The following CDH4 variants were observed in gnomAD, a reference collection of about 807,000 sequenced individuals.
CDH4 encodes cadherin 4, also known as cadherin-4.
Under a neutral mutation model 86.0 loss-of-function variants are expected in CDH4, and 33 were observed. The ratio of observed to expected loss-of-function variants is 0.38; its 90% CI spans 0.29 to 0.51. The LOEUF (loss-of-function observed/expected upper bound fraction) is 0.51. CDH4 is among the 20% of genes least tolerant of loss of function. The pLI is 0.86. For synonymous variants in CDH4, 555 were observed against 549.4 expected (o/e 1.01, Z -0.14); for missense variants, 1,114 against 1,307.4 (o/e 0.85, Z 2.28).
At chr20:61,433,422 C>A (rs566815015) in intron 2 of CDH4, among the ~76,000 whole-genome samples, 74 of 152,222 alleles carry the variant, frequency 4.9e-4, no homozygotes, top group Non-Finnish European at 7.6e-4. Context: ...TAGCGTCAGC[C>A]ATTCGACTTT....
rs1050244579 is a variant in CDH4 at position 61,493,060 on chromosome 20, T to A, written c.169+238123T>A. ...GTAGGTGGAGCCCAGTAGGTTTGAA[T>A]GAAGTACGTAAATTAGACTCTAATA... On this transcript the variant is annotated intron_variant, in intron 2 of 15. Transcript: ENST00000614565. Among the ~76,000 whole-genome samples, 7 of 152,348 alleles carry A rather than the reference T, an allele frequency of 4.6e-5. No homozygotes were observed. In the South Asian group the frequency reaches 1.4e-3, roughly 32 times the overall value.
At chr20:61,288,412 T>C (rs2084304485) in intron 2 of CDH4, among the ~76,000 whole-genome samples, 1 of 152,198 alleles carries the variant, frequency 6.6e-6, no homozygotes, top group Non-Finnish European at 1.5e-5. Flanking sequence ...TGACCCTTTG[T>C]CCGCACTTAG....
intron 2 of CDH4, among the ~76,000 whole-genome samples, chr20:61,445,145 C>T (rs932238163): frequency 6.6e-6 from 1 of 152,094 alleles, no homozygotes; most frequent in African/African-American, 2.4e-5. Flanking sequence ...CTCCCTATTG[C>T]AAGAATCCCA....
chr20:61,435,424 G>T (rs570620921), intron 2 of CDH4, among the ~76,000 whole-genome samples: 1 of 152,266 alleles, frequency 6.6e-6, no homozygotes, highest in Non-Finnish European at 1.5e-5. Context: ...CCCTAGGGGG[G>T]CTCTGCTGGG....
At chr20:61,272,294 T>G (rs551893282) in intron 2 of CDH4, among the ~76,000 whole-genome samples, 17 of 152,324 alleles carry the variant, frequency 1.1e-4, no homozygotes, top group Admixed American at 1.0e-3. Flanking sequence ...AGGCACTAAT[T>G]AATCACTTCC....
At chr20:61,443,962 GT>G (rs2085327885) in intron 2 of CDH4, among the ~76,000 whole-genome samples, 6 of 89,512 alleles carry the variant, frequency 6.7e-5, no homozygotes, top group South Asian at 5.9e-4. Context: ...GTGTCTGTGT[GT>G]GTATCTGTGT....
chr20:61,896,932 AAGGTGACCCAAATTGTGTGGAGC>A (rs1985155288), intron 8 of CDH4, among the ~76,000 whole-genome samples: 2 of 152,018 alleles, frequency 1.3e-5, no homozygotes, highest in African/African-American at 4.8e-5. Context: ...GGGAGGGGAG[AAGGTGACCCAAATTGTGTGGAGC>A]AGGTGTCTCT....
At chr20:61,671,385 A>G (rs145786885) in intron 2 of CDH4, among the ~76,000 whole-genome samples, 163 of 152,294 alleles carry the variant, frequency 1.1e-3, no homozygotes, top group African/African-American at 3.8e-3. Context: ...AGTCCTAGCT[A>G]CTTGGGAAGC....
rs1291767556 is a variant in CDH4 at position 61,684,329 on chromosome 20, G to C, written c.170-59234G>C. 6.6e-6 allele frequency among the ~76,000 whole-genome samples: 1 copy of C among 152,206 alleles called. No individual in the cohort carries two copies. The highest frequency in any genetic ancestry group is 1.5e-5 in the Non-Finnish European group (1 of 68,038). On this transcript the variant is annotated intron_variant, in intron 2 of 15. Transcript: ENST00000614565. The surrounding 1 kb of genome is among the most constrained non-coding windows in gnomAD (Gnocchi z 4.5). ...ACTGAGCCCTGTGGGAAGAGCAGGG[G>C]GGCCGCCCAGCTAAGGAAGCAGCAA...
intron 2 of CDH4, among the ~76,000 whole-genome samples, chr20:61,650,744 C>T (rs746097695): frequency 6.6e-6 from 1 of 152,198 alleles, no homozygotes; most frequent in African/African-American, 2.4e-5. Flanking sequence ...ACAATAATTA[C>T]AGGTCTTTAG....
chr20:61,383,923 C>T (rs28575787), intron 2 of CDH4, among the ~76,000 whole-genome samples: 31,941 of 141,262 alleles, frequency 0.23, 4,612 homozygotes, highest in African/African-American at 0.32. Flanking sequence ...CACACAATCA[C>T]GAGGTCCCAC....
Position 61,873,749 on chromosome 20 carries a change from C to T in CDH4, c.899C>T (p.Thr300Met), listed in dbSNP as rs764336317. Residue 300 changes from threonine (T) to methionine (M), a missense_variant, in exon 7 of 16, where the codon ACG becomes ATG. By Grantham distance (81) the Thr-to-Met change is moderately conservative. This residue lies in a region of CDH4 where 705 missense variants were observed against 914.1 expected (regional missense o/e 0.77). Coordinates refer to ENST00000614565, the MANE Select transcript of CDH4 (RefSeq NM_001794.5). Reference sequence around the variant, plus strand: ...CCAGGCACCTACGTGATGACCGTCACGGCCAACGATGCTGACGACAGCACC... The same window carrying T: ...CCAGGCACCTACGTGATGACCGTCATGGCCAACGATGCTGACGACAGCACC... ...SKPGTYVMTVTANDADDSTTA... is the reference protein window; with the variant it reads ...SKPGTYVMTVMANDADDSTTA... 37 of 1,613,560 alleles carry T rather than the reference C, an allele frequency of 2.3e-5. No homozygotes were observed. Among genetic ancestry groups the T allele is most frequent in the African/African-American group, 5.3e-5 (4 of 75,064 alleles).
chr20:61,306,955 G>A (rs1308468528), intron 2 of CDH4, among the ~76,000 whole-genome samples: 2 of 152,168 alleles, frequency 1.3e-5, no homozygotes, highest in Non-Finnish European at 2.9e-5. Context: ...CCTCCTTGGT[G>A]TGGCTATGTT....
intron 2 of CDH4, among the ~76,000 whole-genome samples, chr20:61,697,710 G>C (rs1038489140): frequency 6.6e-6 from 1 of 152,164 alleles, no homozygotes; most frequent in Non-Finnish European, 1.5e-5. Context: ...CTAAACTCAT[G>C]GGCCCTCCCT....
chr20:61,524,626 A>C (rs1445153266), intron 2 of CDH4, among the ~76,000 whole-genome samples: 1 of 152,028 alleles, frequency 6.6e-6, no homozygotes, highest in Non-Finnish European at 1.5e-5. Flanking sequence ...CTGGGACTGC[A>C]GGCACATGCC....
At chr20:61,376,551 A>G (rs73308673) in intron 2 of CDH4, among the ~76,000 whole-genome samples, 38,105 of 152,122 alleles carry the variant, frequency 0.25, 5,135 homozygotes, top group African/African-American at 0.34. Context: ...GGCTTGGGAC[A>G]TTCTGATGCT....
At chr20:61,567,597 A>G (rs1012474398) in intron 2 of CDH4, among the ~76,000 whole-genome samples, 4 of 152,224 alleles carry the variant, frequency 2.6e-5, no homozygotes, top group Non-Finnish European at 5.9e-5. Context: ...ATTTGGGGGC[A>G]CAAACATTTA....
At chr20:61,546,148 A>G (rs2086083168) in intron 2 of CDH4, among the ~76,000 whole-genome samples, 1 of 85,654 alleles carries the variant, frequency 1.2e-5, no homozygotes, top group African/African-American at 4.7e-5. Flanking sequence ...GTATTTGTTC[A>G]CATTCGTGAG....
intron 2 of CDH4, among the ~76,000 whole-genome samples, chr20:61,522,220 C>T (rs907499240): frequency 6.6e-6 from 1 of 152,146 alleles, no homozygotes; most frequent in African/African-American, 2.4e-5. Flanking sequence ...GCTGTGATAC[C>T]CCCTCACCCC....
Sources: allele counts gnomAD v4.1 joint callset (sites outside exome capture counted in the v4.1 genomes callset), GRCh38; gene constraint gnomAD v4.1.1; regional missense constraint gnomAD v4.1.1; non-coding constraint Gnocchi (gnomAD v3.1); transcripts MANE v1.5; gene names NCBI Gene and HGNC (gene_info 2026-07-23, HGNC 2026-07-21).